TLL2: variants seen among roughly 807,000 people sequenced by gnomAD.
The protein encoded by TLL2 is tolloid like 2, also known as tolloid-like protein 2.
In TLL2, 106 loss-of-function variants were observed where a neutral mutation model predicts 123.0. That is an observed-to-expected ratio of 0.86 (90% confidence interval 0.74 to 1.01). TLL2 has a LOEUF of 1.01. Ranked by LOEUF, TLL2 falls within the 50% of genes least tolerant of loss-of-function variation. The pLI is 0.00. For missense variants in TLL2, 1,332 were observed against 1,336.7 expected (o/e 1.00, Z 0.06); for synonymous variants, 494 against 516.8 (o/e 0.96, Z 0.60).
At chr10:96,400,985 G>C (rs967973052) in intron 10 of TLL2, among the ~76,000 whole-genome samples, 8 of 152,106 alleles carry the variant, frequency 5.3e-5, no homozygotes, top group African/African-American at 1.9e-4. Context: ...GTGAAAACCT[G>C]GGTGTCGAAA....
In TLL2 at chr10:96,384,623, C is replaced by G; in HGVS notation, c.2158G>C (p.Val720Leu). ...MRVEFKSDNTVSKRGFRAHFF... is the reference protein window; with the variant it reads ...MRVEFKSDNTLSKRGFRAHFF... Reference sequence around the variant, plus strand: ...TGGGCCCTGAAGCCGCGCTTGGAGACGGTGTTGTCGGACTTGAACTCCACG... The same window carrying G: ...TGGGCCCTGAAGCCGCGCTTGGAGAGGGTGTTGTCGGACTTGAACTCCACG... The change falls in exon 16 of 21, where the codon GTC becomes CTC. Residue 720 changes from valine (V) to leucine (L), a missense_variant. Physicochemically the swap from Val to Leu is conservative, Grantham distance 32 (BLOSUM62 1). Coordinates refer to ENST00000357947, the MANE Select transcript of TLL2 (RefSeq NM_012465.4). The G allele has an allele frequency of 6.2e-7, 1 of 1,605,388 alleles. No individual in the cohort carries two copies. Among genetic ancestry groups the G allele is most frequent in the East Asian group, 2.3e-5 (1 of 44,426 alleles).
chr10:96,493,686 G>A (rs1847439873), intron 1 of TLL2, among the ~76,000 whole-genome samples: 1 of 152,014 alleles, frequency 6.6e-6, no homozygotes, highest in African/African-American at 2.4e-5. Flanking sequence ...CCTCATTCTG[G>A]TATAGCACTT....
chr10:96,369,404 G>A (rs1379012999), intron 20 of TLL2, among the ~76,000 whole-genome samples: 1 of 152,212 alleles, frequency 6.6e-6, no homozygotes, highest in Non-Finnish European at 1.5e-5. Context: ...GGAGAGAAAT[G>A]TGAATATAAG....
chr10:96,400,943 G>A (rs2134065397), intron 10 of TLL2, among the ~76,000 whole-genome samples: 1 of 152,298 alleles, frequency 6.6e-6, no homozygotes, highest in African/African-American at 2.4e-5. Flanking sequence ...GCCATGAAAT[G>A]TTCTCAATTG....
intron 16 of TLL2, among the ~76,000 whole-genome samples, chr10:96,383,918 A>G (rs1846207494): frequency 6.6e-6 from 1 of 152,112 alleles, no homozygotes; most frequent in Non-Finnish European, 1.5e-5. Flanking sequence ...GGCATGAGCC[A>G]CCACGCCCGG....
intron 19 of TLL2, among the ~76,000 whole-genome samples, chr10:96,370,694 G>A (rs201751013): frequency 4.5e-4 from 68 of 152,342 alleles, no homozygotes; most frequent in African/African-American, 1.6e-3. Context: ...AGTGTTGGAT[G>A]CATCTGAGAA....
At chr10:96,411,409 C>A (rs755425880) in intron 8 of TLL2, among the ~76,000 whole-genome samples, 1 of 151,776 alleles carries the variant, frequency 6.6e-6, no homozygotes, top group Non-Finnish European at 1.5e-5. Flanking sequence ...ATAAAGCAGT[C>A]AAGAAAACAA....
intron 1 of TLL2, among the ~76,000 whole-genome samples, chr10:96,482,162 G>T (rs1038419774): frequency 1.3e-5 from 2 of 152,024 alleles, no homozygotes; most frequent in Non-Finnish European, 2.9e-5. Context: ...AGAGGCTGAG[G>T]CAGGAGAATG....
chr10:96,463,198 C>T (rs1210111785), intron 2 of TLL2, among the ~76,000 whole-genome samples: 4 of 152,168 alleles, frequency 2.6e-5, no homozygotes, highest in African/African-American at 9.7e-5. Flanking sequence ...CCATGTGGTT[C>T]CCGAAGCCAG....
At chr10:96,485,665 T>C (rs1171151455) in intron 1 of TLL2, among the ~76,000 whole-genome samples, 1 of 152,188 alleles carries the variant, frequency 6.6e-6, no homozygotes, top group Non-Finnish European at 1.5e-5. Context: ...ACAATAACTG[T>C]CTCTCAATTT....
intron 3 of TLL2, among the ~76,000 whole-genome samples, chr10:96,440,138 A>G (rs967150136): frequency 8.5e-5 from 13 of 152,130 alleles, no homozygotes; most frequent in African/African-American, 2.4e-4. Context: ...CCTGCCCTCT[A>G]CGGAAGATAT....
At chr10:96,467,828 T>TGA (rs2134097395) in intron 2 of TLL2, among the ~76,000 whole-genome samples, 1 of 152,346 alleles carries the variant, frequency 6.6e-6, no homozygotes, top group Admixed American at 6.5e-5. Context: ...CTTGAGAGGC[T>TGA]GAGACACAGT....
At chr10:96,380,790 C>G (rs566219726) in intron 16 of TLL2, among the ~76,000 whole-genome samples, 3 of 146,906 alleles carry the variant, frequency 2.0e-5, no homozygotes, top group Admixed American at 6.9e-5. Context: ...GAGGCCGAGG[C>G]GGGTGGATCA....
chr10:96,476,643 A>C (rs1693446460), intron 2 of TLL2, among the ~76,000 whole-genome samples: 1 of 151,822 alleles, frequency 6.6e-6, no homozygotes. Context: ...AGAGGAAAAA[A>C]AAATACAGAA....
intron 16 of TLL2, among the ~76,000 whole-genome samples, chr10:96,380,852 C>A (rs557332794): frequency 6.6e-6 from 1 of 151,752 alleles, no homozygotes; most frequent in Non-Finnish European, 1.5e-5. Flanking sequence ...TGGCAAGCAC[C>A]TGTAATCCCA....
At chr10:96,463,667 G>A (rs951723143) in intron 2 of TLL2, among the ~76,000 whole-genome samples, 4 of 152,304 alleles carry the variant, frequency 2.6e-5, no homozygotes, top group East Asian at 3.9e-4. Context: ...CTGTGACAAG[G>A]GCATGCTGGG....
intron 1 of TLL2, among the ~76,000 whole-genome samples, chr10:96,481,124 CTG>C (rs1287335755): frequency 1.4e-5 from 2 of 141,454 alleles, no homozygotes; most frequent in South Asian, 2.2e-4. Flanking sequence ...AATGAAAACA[CTG>C]TTTTTTTTGT....
chr10:96,438,820 G>A (rs1846822484), intron 3 of TLL2, among the ~76,000 whole-genome samples: 1 of 152,152 alleles, frequency 6.6e-6, no homozygotes, highest in Non-Finnish European at 1.5e-5. Flanking sequence ...ATCAAGTTAA[G>A]ATAATTCCTC....
chr10:96,490,829 A>G (rs1285660385), intron 1 of TLL2, among the ~76,000 whole-genome samples: 1 of 152,212 alleles, frequency 6.6e-6, no homozygotes, highest in Admixed American at 6.5e-5. Context: ...CAACAGAAAT[A>G]CAGAATTTCA....
Sources: allele counts gnomAD v4.1 joint callset (sites outside exome capture counted in the v4.1 genomes callset), GRCh38; gene constraint gnomAD v4.1.1; transcripts MANE v1.5; gene names NCBI Gene and HGNC (gene_info 2026-07-23, HGNC 2026-07-21).